The following CFAP54 variants were observed in gnomAD, a reference collection of about 807,000 sequenced individuals.
The protein encoded by CFAP54 is cilia- and flagella-associated protein 54.
CFAP54 carries 290 observed loss-of-function variants against 370.4 expected under a neutral mutation model. The ratio of observed to expected loss-of-function variants is 0.78; its 90% CI spans 0.71 to 0.86. The LOEUF is 0.86. Among genes scored for constraint, CFAP54 ranks in the 40% least tolerant of loss-of-function variants. CFAP54 has a pLI of 0.00. For synonymous variants in CFAP54, 1,206 were observed against 1,236.5 expected, an observed-to-expected ratio of 0.98 and a Z score of 0.52; for missense variants, 3,399 against 3,528.7, an observed-to-expected ratio of 0.96 and a Z score of 0.93.
intron 66 of CFAP54, among the ~76,000 whole-genome samples, chr12:96,850,769 A>AGCAAGAGAGAGAGCATGGCAGCAG (rs1242542336): frequency 3.9e-5 from 6 of 152,326 alleles, no homozygotes; most frequent in Non-Finnish European, 5.9e-5. Context: ...AGGGGAATCA[A>AGCAAGAGAGAGAGCATGGCAGCAG]GCAAGAGAGA....
At chr12:96,496,786 TC>T (rs1205902778) in intron 1 of CFAP54, among the ~76,000 whole-genome samples, 1 of 152,132 alleles carries the variant, frequency 6.6e-6, no homozygotes, top group African/African-American at 2.4e-5. Flanking sequence ...TTCAGATTTT[TC>T]CTAGAGACAT....
At chr12:96,498,617 C>A (rs1954985662) in intron 1 of CFAP54, among the ~76,000 whole-genome samples, 1 of 152,202 alleles carries the variant, frequency 6.6e-6, no homozygotes, top group Middle Eastern at 3.2e-3. Context: ...GGCACCACTG[C>A]ACTCAAGCCT....
At chr12:96,523,010 T>TTTC (rs965432472) in intron 8 of CFAP54, among the ~76,000 whole-genome samples, 1 of 152,212 alleles carries the variant, frequency 6.6e-6, no homozygotes, top group East Asian at 1.9e-4. Flanking sequence ...CCCTTGTCTT[T>TTTC]TTCTTCTTCT....
chr12:96,517,223 A>G (rs11108563), intron 5 of CFAP54, among the ~76,000 whole-genome samples: 17,220 of 152,050 alleles, frequency 0.11, 1,571 homozygotes, highest in East Asian at 0.45. Flanking sequence ...TCCTCTGTGT[A>G]GTGGAAAGAA....
At chr12:96,710,467 C>T (rs867590839) in intron 48 of CFAP54, among the ~76,000 whole-genome samples, 1 of 152,038 alleles carries the variant, frequency 6.6e-6, no homozygotes, top group South Asian at 2.1e-4. Context: ...CTCTAGATAT[C>T]TGATAACTGG....
In CFAP54 at chr12:96,650,178, G is replaced by A. The variant is rs1447333121; in HGVS notation, c.4872+106G>A. The A allele has an allele frequency of 1.2e-5, 13 of 1,045,706 alleles. 1 individual carries two copies. The East Asian group carries it at 3.0e-4, about 24-fold the overall frequency. The allele number at this position is 1,045,706 out of a possible 1,614,324, so 64.8% of individuals were successfully genotyped here. On this transcript the variant is annotated intron_variant, in intron 35 of 67. Coordinates refer to ENST00000524981, the MANE Select transcript of CFAP54 (RefSeq NM_001306084.2). Reference sequence around the variant, plus strand: ...TATTTTCTTATTATACATAATTTTAGTTGTGACTTTGAGATCTCATCTTGC... The same window carrying A: ...TATTTTCTTATTATACATAATTTTAATTGTGACTTTGAGATCTCATCTTGC...
rs1366945117 is a variant in CFAP54 at position 96,753,795 on chromosome 12, G to A, written c.7737G>A (p.Ser2579=). ...ACAAGAATAAAAGGAAGGACCCCTC[G>A]AAGTGGTTACCTGCTCTTCATCTGT... ...VYYKNKRKDP[S]KWLPALHLFD... Residue 2579 remains serine, a synonymous_variant, in exon 56 of 68, where the codon TCG becomes TCA. Transcript: ENST00000524981. 12 of 1,613,880 alleles carry A rather than the reference G, an allele frequency of 7.4e-6. No individual in the cohort carries two copies. The highest frequency in any genetic ancestry group is 4.0e-5 in the African/African-American group (3 of 74,896).
chr12:96,735,553 C>G (rs534385924), intron 50 of CFAP54, among the ~76,000 whole-genome samples: 4 of 152,256 alleles, frequency 2.6e-5, no homozygotes, highest in African/African-American at 9.6e-5. Flanking sequence ...CTAGTTTGGG[C>G]TCAGTGTAAA....
At chr12:96,663,319 G>T (rs1306389963) in intron 38 of CFAP54, among the ~76,000 whole-genome samples, 1 of 152,046 alleles carries the variant, frequency 6.6e-6, no homozygotes, top group South Asian at 2.1e-4. Flanking sequence ...AGGGTCTTGG[G>T]CCCTTTAAAA....
At chr12:96,648,092 C>A in intron 34 of CFAP54, 75 bp downstream of exon 34, 2 of 1,110,098 alleles carry the variant, frequency 1.8e-6, no homozygotes, top group South Asian at 4.4e-5. Context: ...CACACATACA[C>A]ATTGTGGACA....
chr12:96,814,601 A>G (rs1167528047), intron 64 of CFAP54, among the ~76,000 whole-genome samples: 2 of 152,230 alleles, frequency 1.3e-5, no homozygotes, highest in African/African-American at 4.8e-5. Flanking sequence ...GATTTGTTAC[A>G]TAGGTATACA....
At chr12:96,660,787 G>A (rs1044115293) in intron 38 of CFAP54, among the ~76,000 whole-genome samples, 1 of 152,002 alleles carries the variant, frequency 6.6e-6, no homozygotes, top group African/African-American at 2.4e-5. Context: ...TTCCAGTGTT[G>A]ATCTCAAGCC....
intron 28 of CFAP54, 88 bp downstream of exon 28, chr12:96,623,969 A>G: frequency 1.2e-6 from 1 of 844,160 alleles, no homozygotes; most frequent in Non-Finnish European, 1.9e-6. Context: ...AGATGAGATT[A>G]GCATTTGGTA....
chr12:96,706,426 A>G (rs982056632), intron 47 of CFAP54, among the ~76,000 whole-genome samples: 6 of 152,130 alleles, frequency 3.9e-5, no homozygotes, highest in African/African-American at 1.4e-4. Flanking sequence ...GAACAATCTA[A>G]AAAGAGGGAA....
intron 50 of CFAP54, among the ~76,000 whole-genome samples, chr12:96,733,789 CTT>C (rs2092067659): frequency 1.3e-5 from 2 of 152,036 alleles, no homozygotes; most frequent in African/African-American, 4.8e-5. Context: ...ACTGGTATGT[CTT>C]ATATTTTATT....
chr12:96,644,076 C>G lies in CFAP54; in HGVS notation c.4317-102C>G, dbSNP rs1956763633. ...CCAGAAACATTAGCATAAGGGCAGTCAAGTGACTTATTGATGTATTATTTC... is the reference window on the plus strand; with the variant it reads ...CCAGAAACATTAGCATAAGGGCAGTGAAGTGACTTATTGATGTATTATTTC... On this transcript the variant is annotated intron_variant, in intron 32 of 67. Coordinates refer to ENST00000524981, the MANE Select transcript of CFAP54 (RefSeq NM_001306084.2). 9.4e-6 allele frequency: 7 copies of G among 748,062 alleles called. No homozygotes were observed. The Admixed American group carries it at 1.1e-4, about 11-fold the overall frequency. 46.3% of individuals were successfully genotyped at this position (748,062 alleles called of 1,614,324 possible). A position where few individuals can be genotyped will look rare whatever the true frequency, so the allele number is the denominator to read the frequency against.
intron 60 of CFAP54, 151 bp from the exon 61 acceptor site, chr12:96,784,566 G>T: frequency 2.2e-6 from 1 of 454,272 alleles, no homozygotes; most frequent in Non-Finnish European, 3.7e-6. Context: ...TTGGTGTTTG[G>T]TGTCTGCATG....
intron 8 of CFAP54, 33 bp from the exon 9 acceptor site, chr12:96,527,213 A>G (rs1015702214): frequency 2.4e-5 from 35 of 1,485,930 alleles, no homozygotes; most frequent in Non-Finnish European, 3.0e-5. Context: ...AGCTTTAACA[A>G]ATGGACTGAA....
intron 39 of CFAP54, among the ~76,000 whole-genome samples, chr12:96,665,750 T>C (rs543269213): frequency 6.6e-6 from 1 of 152,264 alleles, no homozygotes; most frequent in East Asian, 1.9e-4. Context: ...AGTCAGGTAG[T>C]GTGATGCCTC....
Sources: allele counts gnomAD v4.1 joint callset (sites outside exome capture counted in the v4.1 genomes callset), GRCh38; gene constraint gnomAD v4.1.1; transcripts MANE v1.5; gene names NCBI Gene and HGNC (gene_info 2026-07-23, HGNC 2026-07-21).